The following ZNF385D variants were observed in gnomAD, a reference collection of about 807,000 sequenced individuals.
ZNF385D encodes the protein zinc finger protein 385D.
Under a neutral mutation model 35.8 loss-of-function variants are expected in ZNF385D, and 15 were observed. That is an observed-to-expected ratio of 0.42 (90% CI 0.28 to 0.64). The LOEUF (loss-of-function observed/expected upper bound fraction) is 0.64, where lower values mean the gene tolerates loss of function less well. Among genes scored for constraint, ZNF385D ranks in the 30% least tolerant of loss-of-function variants. ZNF385D has a pLI of 0.23. For synonymous variants in ZNF385D, 212 were observed against 186.8 expected (o/e 1.13, Z -1.10); for missense variants, 474 against 494.6 (o/e 0.96, Z 0.39).
rs527339642 is a variant in ZNF385D, at chr3:22,203,928, G to A, written c.107-34893C>T. 7.2e-5 allele frequency among the ~76,000 whole-genome samples: 11 copies of A among 152,252 alleles called. No homozygotes were observed. The South Asian group carries it at 2.3e-3, about 32-fold the overall frequency. ...AAGGAAACTTGTTGCCCGAAGGGAA[G>A]AAAAGAAGTCTGGTTGGCTTCATAA... On this transcript the variant is annotated intron_variant, in intron 2 of 5. Coordinates refer to the ZNF385D transcript ENST00000494108.
chr3:22,242,533 CA>C (rs1200447732), intron 2 of ZNF385D, among the ~76,000 whole-genome samples: 2 of 150,648 alleles, frequency 1.3e-5, no homozygotes, highest in African/African-American at 4.9e-5. Context: ...AAAAAAAACT[CA>C]AAACAACGGA....
intron 2 of ZNF385D, among the ~76,000 whole-genome samples, chr3:21,615,669 T>G (rs1372563706): frequency 6.6e-6 from 1 of 152,164 alleles, no homozygotes; most frequent in Non-Finnish European, 1.5e-5. Flanking sequence ...AGTTGTCCTT[T>G]GCTTTATTTG....
chr3:21,781,500 T>C (rs1489408252), intron 3 of ZNF385D, among the ~76,000 whole-genome samples: 1 of 152,098 alleles, frequency 6.6e-6, no homozygotes, highest in African/African-American at 2.4e-5. Context: ...TCTCATACCA[T>C]GTGTCATATT....
intron 4 of ZNF385D, among the ~76,000 whole-genome samples, chr3:21,449,325 A>G (rs1702330624): frequency 6.6e-6 from 1 of 152,060 alleles, no homozygotes; most frequent in South Asian, 2.1e-4. Flanking sequence ...GACCTCTCAA[A>G]GGATGCTGGC....
Position 21,751,168 on chromosome 3 carries a change from CT to C in ZNF385D, c.-253del. ...ACTGCCCATCCTTACTGTAATCCGA[CT>C]CCTCCTTGCGATGTCCTTGCCGCGC... On this transcript the variant is annotated 5_prime_UTR_variant, in exon 1 of 8. It introduces an in-frame stop codon into an upstream open reading frame of the 5' UTR. Coordinates refer to ENST00000281523, the MANE Select transcript of ZNF385D (RefSeq NM_024697.3). 1 of 1,408,936 alleles carries C rather than the reference CT, an allele frequency of 7.1e-7. No individual in the cohort carries two copies. Among genetic ancestry groups the C allele is most frequent in the Non-Finnish European group, 9.2e-7 (1 of 1,082,396 alleles). The allele number at this position is 1,408,936 out of a possible 1,614,324, so 87.3% of individuals were successfully genotyped here.
intron 3 of ZNF385D, among the ~76,000 whole-genome samples, chr3:22,142,669 C>G (rs1704580849): frequency 6.6e-6 from 1 of 152,170 alleles, no homozygotes; most frequent in African/African-American, 2.4e-5. Context: ...TGGAAGCCAT[C>G]AGCCAAACAG....
chr3:21,887,185 T>A (rs981571804), intron 3 of ZNF385D, among the ~76,000 whole-genome samples: 7 of 152,310 alleles, frequency 4.6e-5, no homozygotes, highest in Non-Finnish European at 8.8e-5. Flanking sequence ...TTCCGTAGTT[T>A]GTGAAGTGAC....
At chr3:21,973,256 G>T (rs1703379669) in intron 3 of ZNF385D, among the ~76,000 whole-genome samples, 1 of 151,936 alleles carries the variant, frequency 6.6e-6, no homozygotes, top group Admixed American at 6.6e-5. Context: ...TGCAAGAATG[G>T]TTCAACATAC....
chr3:22,071,410 T>C (rs140473194), intron 3 of ZNF385D, among the ~76,000 whole-genome samples: 398 of 152,244 alleles, frequency 2.6e-3, no homozygotes, highest in African/African-American at 8.1e-3. Flanking sequence ...GAAAATATTA[T>C]CCAGCTTCAT....
chr3:22,094,260 T>C (rs1701481959), intron 3 of ZNF385D, among the ~76,000 whole-genome samples: 3 of 151,274 alleles, frequency 2.0e-5, no homozygotes, highest in Admixed American at 2.0e-4. Flanking sequence ...GCTATGTGAG[T>C]TCCTCAATAC....
chr3:21,842,148 G>A (rs1695722444), intron 3 of ZNF385D, among the ~76,000 whole-genome samples: 1 of 151,878 alleles, frequency 6.6e-6, no homozygotes, highest in Non-Finnish European at 1.5e-5. Flanking sequence ...ACAGATAACT[G>A]GTTATCAATA....
chr3:22,324,750 C>G (rs796123451), intron 2 of ZNF385D, among the ~76,000 whole-genome samples: 18 of 152,246 alleles, frequency 1.2e-4, no homozygotes, highest in African/African-American at 4.1e-4. Flanking sequence ...CCATTACTGC[C>G]TTCCCTCACC....
At chr3:22,174,269 G>C (rs752999385) in intron 2 of ZNF385D, among the ~76,000 whole-genome samples, 3 of 152,086 alleles carry the variant, frequency 2.0e-5, no homozygotes, top group Admixed American at 6.6e-5. Context: ...AGGTTACATC[G>C]TTTTGTCTAT....
chr3:21,488,222 T>C (rs1389610923), intron 4 of ZNF385D, among the ~76,000 whole-genome samples: 1 of 151,968 alleles, frequency 6.6e-6, no homozygotes, highest in Non-Finnish European at 1.5e-5. Context: ...AGGATTACAA[T>C]TGTTGATAAG....
At chr3:22,255,654 T>C (rs898048446) in intron 2 of ZNF385D, among the ~76,000 whole-genome samples, 29 of 150,746 alleles carry the variant, frequency 1.9e-4, no homozygotes, top group African/African-American at 7.0e-4. Flanking sequence ...CATCATAACA[T>C]CACATTTCAA....
intron 2 of ZNF385D, among the ~76,000 whole-genome samples, chr3:22,210,711 C>G (rs1697463259): frequency 6.6e-6 from 1 of 151,876 alleles, no homozygotes; most frequent in African/African-American, 2.4e-5. Flanking sequence ...ATTAATTAAT[C>G]TCTCACCTAC....
intron 3 of ZNF385D, among the ~76,000 whole-genome samples, chr3:21,887,050 C>G (rs919652980): frequency 6.6e-6 from 1 of 152,086 alleles, no homozygotes; most frequent in African/African-American, 2.4e-5. Flanking sequence ...TTGATCCTTT[C>G]TTATGGATGT....
chr3:22,215,480 T>A (rs1176819670), intron 2 of ZNF385D, among the ~76,000 whole-genome samples: 1 of 151,950 alleles, frequency 6.6e-6, no homozygotes, highest in Non-Finnish European at 1.5e-5. Flanking sequence ...GGTCGAGCTG[T>A]AAGGATGAAA....
At chr3:21,505,141 A>G (rs960557184) in intron 4 of ZNF385D, among the ~76,000 whole-genome samples, 8 of 152,144 alleles carry the variant, frequency 5.3e-5, no homozygotes, top group African/African-American at 1.7e-4. Flanking sequence ...CAGAACTCAA[A>G]ATAAACGATG....
Sources: allele counts gnomAD v4.1 joint callset (sites outside exome capture counted in the v4.1 genomes callset), GRCh38; gene constraint gnomAD v4.1.1; transcripts MANE v1.5; gene names NCBI Gene and HGNC (gene_info 2026-07-23, HGNC 2026-07-21).